ZFHX3: variants seen among roughly 807,000 people sequenced by gnomAD.
ZFHX3 encodes the protein zinc finger homeobox 3.
ZFHX3 carries 42 observed loss-of-function variants against 279.1 expected under a neutral mutation model. The observed-to-expected ratio is 0.15, with a 90% CI of 0.12 to 0.19. The LOEUF is 0.19. ZFHX3 is among the 10% of genes least tolerant of loss of function. ZFHX3 has a pLI of 1.00. For missense variants in ZFHX3, 4,981 were observed against 4,754.0 expected, an observed-to-expected ratio of 1.05 and a Z score of -1.40; for synonymous variants, 2,293 against 1,957.8, an observed-to-expected ratio of 1.17 and a Z score of -4.52.
At chr16:73,634,433 A>ATTAT (rs1197229737) in intron 2 of ZFHX3, among the ~76,000 whole-genome samples, 37 of 59,904 alleles carry the variant, frequency 6.2e-4, no homozygotes, top group African/African-American at 1.4e-3. Context: ...TATTATGTAT[A>ATTAT]ATATATATAT....
chr16:73,485,901 G>A (rs181553613), intron 2 of ZFHX3, among the ~76,000 whole-genome samples: 35 of 152,220 alleles, frequency 2.3e-4, no homozygotes, highest in Admixed American at 4.6e-4. Flanking sequence ...GCCTAGTGCC[G>A]GAACTTATGA....
intron 3 of ZFHX3, among the ~76,000 whole-genome samples, chr16:72,902,430 A>G (rs528687023): frequency 6.6e-6 from 1 of 152,304 alleles, no homozygotes; most frequent in Admixed American, 6.5e-5. Flanking sequence ...TGGGTTTGGC[A>G]GGCTGGCTTC....
intron 1 of ZFHX3, among the ~76,000 whole-genome samples, chr16:73,005,232 C>T (rs61078156): frequency 0.22 from 33,053 of 152,126 alleles, 4,309 homozygotes; most frequent in East Asian, 0.64. Context: ...CAGTGGCTCA[C>T]GTCTTATAAT....
At chr16:73,774,248 T>C (rs1044386537) in intron 1 of ZFHX3, among the ~76,000 whole-genome samples, 7 of 152,162 alleles carry the variant, frequency 4.6e-5, no homozygotes, top group Non-Finnish European at 1.0e-4. Context: ...AGGGTGGACA[T>C]TGTCTATTTT....
At position 72,939,463 on chromosome 16, in the gene ZFHX3, C is replaced by T. The variant is rs1175771422; in HGVS notation, c.3216+11006G>A. Among the ~76,000 whole-genome samples, 3 of 152,252 alleles carry T rather than the reference C, an allele frequency of 2.0e-5. No homozygotes were observed. The East Asian group carries it at 5.8e-4, about 29-fold the overall frequency. On this transcript the variant is annotated intron_variant, in intron 3 of 9. Transcript: ENST00000268489. ...CCTGCCATAAACACAATCGGAGCTC[C>T]TCCCAGATCTTCAGTAGCGCCAACA...
intron 5 of ZFHX3, among the ~76,000 whole-genome samples, chr16:72,823,803 C>T (rs2036862368): frequency 1.3e-5 from 2 of 152,122 alleles, no homozygotes; most frequent in African/African-American, 4.8e-5. Flanking sequence ...AAACTGAGGT[C>T]CAGAGACCTC....
chr16:73,262,440 A>G (rs1197591208), intron 4 of ZFHX3, among the ~76,000 whole-genome samples: 2 of 152,174 alleles, frequency 1.3e-5, no homozygotes, highest in Admixed American at 6.5e-5. Flanking sequence ...ACTCTGCCAC[A>G]CTAGTTGTGT....
At chr16:73,050,437 AG>A (rs1965428902), upstream of ZFHX3, among the ~76,000 whole-genome samples, 1 of 152,228 alleles carries the variant, frequency 6.6e-6, no homozygotes, top group Non-Finnish European at 1.5e-5. Flanking sequence ...CCTTTGTTCC[AG>A]GCAAAAATTT....
chr16:72,883,008 G>A (rs2038529887), intron 4 of ZFHX3, among the ~76,000 whole-genome samples: 1 of 142,676 alleles, frequency 7.0e-6, no homozygotes, highest in African/African-American at 2.6e-5. Flanking sequence ...GTGTGTGTGT[G>A]TGTGTGTGTG....
intron 4 of ZFHX3, among the ~76,000 whole-genome samples, chr16:73,304,370 T>C (rs1351048725): frequency 2.6e-5 from 4 of 152,130 alleles, no homozygotes; most frequent in Non-Finnish European, 5.9e-5. Context: ...TGCCATGCTG[T>C]TTCTATCTGG....
chr16:73,579,984 A>G (rs980249582), intron 2 of ZFHX3, among the ~76,000 whole-genome samples: 2 of 147,840 alleles, frequency 1.4e-5, no homozygotes, highest in African/African-American at 5.0e-5. Flanking sequence ...GTATTATAAT[A>G]CACATATATA....
At chr16:73,566,456 G>T (rs1354788229) in intron 2 of ZFHX3, among the ~76,000 whole-genome samples, 1 of 152,180 alleles carries the variant, frequency 6.6e-6, no homozygotes, top group East Asian at 1.9e-4. Flanking sequence ...GAGGCTCCGA[G>T]GGAGAATTCA....
chr16:73,497,495 C>A (rs1392305316), intron 2 of ZFHX3, among the ~76,000 whole-genome samples: 1 of 152,052 alleles, frequency 6.6e-6, no homozygotes. Flanking sequence ...AAAGTGACAC[C>A]CAATCTCTAC....
chr16:73,070,846 CTCTG>C (rs1215965265), intron 8 of ZFHX3, among the ~76,000 whole-genome samples: 7 of 151,352 alleles, frequency 4.6e-5, no homozygotes, highest in Admixed American at 2.6e-4. Flanking sequence ...CCACTTATTT[CTCTG>C]TCTTTCTCAT....
chr16:73,120,103 G>A (rs925270114), intron 7 of ZFHX3, among the ~76,000 whole-genome samples: 1 of 151,976 alleles, frequency 6.6e-6, no homozygotes, highest in Admixed American at 6.6e-5. Flanking sequence ...CACAGTTGAT[G>A]TTTGTTTTTT....
intron 1 of ZFHX3, among the ~76,000 whole-genome samples, chr16:72,966,107 G>A (rs1447616837): frequency 6.6e-6 from 1 of 152,156 alleles, no homozygotes; most frequent in Non-Finnish European, 1.5e-5. Context: ...AGGTCCGTGT[G>A]TCTCGGGACA....
intron 7 of ZFHX3, among the ~76,000 whole-genome samples, chr16:73,100,311 T>C (rs1207052739): frequency 6.6e-6 from 1 of 152,110 alleles, no homozygotes; most frequent in African/African-American, 2.4e-5. Flanking sequence ...TGGTAAGTAT[T>C]CAAAAACACC....
chr16:73,448,708 G>GTGTGTGTA (rs923484272), intron 3 of ZFHX3, among the ~76,000 whole-genome samples: 2 of 151,582 alleles, frequency 1.3e-5, no homozygotes, highest in Non-Finnish European at 2.9e-5. Flanking sequence ...GTGTGTGTGT[G>GTGTGTGTA]TGTGTGTGTG....
chr16:73,211,186 GCC>G (rs943387771), intron 5 of ZFHX3, among the ~76,000 whole-genome samples: 1 of 152,072 alleles, frequency 6.6e-6, no homozygotes, highest in African/African-American at 2.4e-5. Context: ...TTGCCTTAAA[GCC>G]CCCCAACTTT....
Sources: gnomAD v4.1 joint callset for allele counts (sites outside exome capture counted in the v4.1 genomes callset) on GRCh38, gnomAD v4.1.1 for gene constraint, MANE v1.5 for transcripts, NCBI Gene and HGNC (gene_info 2026-07-23, HGNC 2026-07-21) for gene names.